PGBD4: variants seen among roughly 807,000 people sequenced by gnomAD.
The protein encoded by PGBD4 is piggyBac transposable element-derived protein 4.
Under a neutral mutation model 0.3 loss-of-function variants are expected in PGBD4, and 1 was observed. The observed-to-expected ratio is 3.72, with a 90% confidence interval of 1.32 to 17.64. The LOEUF (loss-of-function observed/expected upper bound fraction) is 17.64. Ranked by LOEUF, PGBD4 falls within the 30% of genes most tolerant of loss-of-function variation. The probability of loss-of-function intolerance (pLI) is 0.11; values close to 1 mark genes in which losing one functional copy is unlikely to be tolerated. For missense variants in PGBD4, 624 were observed against 719.7 expected (o/e 0.87, Z 1.52); for synonymous variants, 253 against 267.7 (o/e 0.95, Z 0.54).
At position 34,102,166 on chromosome 15, in the gene PGBD4, A is replaced by G; in HGVS notation, c.-366A>G. 1 of 464,128 alleles carries G rather than the reference A, an allele frequency of 2.2e-6. No homozygotes were observed. The highest frequency in any genetic ancestry group is 3.8e-6 in the Non-Finnish European group (1 of 263,866). The allele number at this position is 464,128 out of a possible 1,614,324, so 28.8% of individuals were successfully genotyped here. A position where few individuals can be genotyped will look rare whatever the true frequency, so the allele number is the denominator to read the frequency against. On this transcript the variant is annotated 5_prime_UTR_variant, in exon 1 of 1. An upstream open reading frame in the 5' UTR loses its in-frame stop. Coordinates refer to ENST00000397766, the MANE Select transcript of PGBD4 (RefSeq NM_152595.5). This position sits in a 1 kb window ranked among gnomAD's most constrained non-coding sequence, Gnocchi z 4.7. Reference sequence around the variant, plus strand: ...CGGAGGCCAAGGACCTCACGGGAGTAAAAGATGACGAGACTGGCTTCGGGA... The same window carrying G: ...CGGAGGCCAAGGACCTCACGGGAGTGAAAGATGACGAGACTGGCTTCGGGA...
Position 34,103,803 on chromosome 15 carries a change from T to C in PGBD4, c.1272T>C (p.Tyr424=), listed in dbSNP as rs1468004483. 6.2e-7 allele frequency: 1 copy of C among 1,614,200 alleles called. No individual in the cohort carries two copies. Among genetic ancestry groups the C allele is most frequent in the East Asian group, 2.2e-5 (1 of 44,890 alleles). The change falls in exon 1 of 1, where the codon TAT becomes TAC. Residue 424 remains tyrosine, a synonymous_variant. Transcript: ENST00000397766. The surrounding 1 kb of genome is among the most constrained non-coding windows in gnomAD (Gnocchi z 4.6). ...KTKRPRVIVD[Y]NENMGAVDSA... Reference sequence around the variant, plus strand: ...AAAGGCCACGTGTCATTGTGGATTATAACGAGAATATGGGAGCAGTGGACT... The same window carrying C: ...AAAGGCCACGTGTCATTGTGGATTACAACGAGAATATGGGAGCAGTGGACT...
In PGBD4 at chr15:34,103,719, G is replaced by A. The variant is rs748990621; in HGVS notation, c.1188G>A (p.Leu396=). The A allele has an allele frequency of 5.6e-6, 9 of 1,614,052 alleles. No individual in the cohort carries two copies. The South Asian group carries it at 9.9e-5, about 18-fold the overall frequency. Residue 396 remains leucine, a synonymous_variant, in exon 1 of 1, where the codon TTG becomes TTA. Coordinates refer to ENST00000397766, the MANE Select transcript of PGBD4 (RefSeq NM_152595.5). The surrounding 1 kb of genome is among the most constrained non-coding windows in gnomAD (Gnocchi z 4.6). The stretch of plus-strand genomic sequence containing the variant: ...GTGACGGCAAGGAGGTGACAATGTT[G>A]TCAACATTCCACAATGATACTGTGA... The part of the protein sequence containing the change: ...KWCDGKEVTM[L]STFHNDTVIE...
In PGBD4 at chr15:34,105,377, A is replaced by G. The variant is rs1403748607; in HGVS notation, c.*1088A>G. ...CTTGCCCAAGATCTTTGTTGGCCCTAAACATCGCTGTCTCTGCTACAGATT... is the reference window on the plus strand; with the variant it reads ...CTTGCCCAAGATCTTTGTTGGCCCTGAACATCGCTGTCTCTGCTACAGATT... On this transcript the variant is annotated 3_prime_UTR_variant, in exon 1 of 1. Transcript: ENST00000397766. The G allele has an allele frequency of 2.4e-5, 4 of 167,110 alleles. No individual in the cohort carries two copies. Among genetic ancestry groups the G allele is most frequent in the African/African-American group, 9.6e-5 (4 of 41,470 alleles). 10.4% of individuals were successfully genotyped at this position (167,110 alleles called of 1,614,324 possible).
At position 34,102,175 on chromosome 15, in the gene PGBD4, C is replaced by T; in HGVS notation, c.-357C>T. 2.2e-6 allele frequency: 1 copy of T among 452,618 alleles called. No individual in the cohort carries two copies. The highest frequency in any genetic ancestry group is 3.9e-6 in the Non-Finnish European group (1 of 256,940). 28.0% of individuals were successfully genotyped at this position (452,618 alleles called of 1,614,324 possible). A position where few individuals can be genotyped will look rare whatever the true frequency, so the allele number is the denominator to read the frequency against. ...AGGACCTCACGGGAGTAAAAGATGACGAGACTGGCTTCGGGAGAAACACCA... is the reference window on the plus strand; with the variant it reads ...AGGACCTCACGGGAGTAAAAGATGATGAGACTGGCTTCGGGAGAAACACCA... On this transcript the variant is annotated 5_prime_UTR_variant, in exon 1 of 1. The change creates a new upstream start codon in the 5' untranslated region. Coordinates refer to ENST00000397766, the MANE Select transcript of PGBD4 (RefSeq NM_152595.5). The surrounding 1 kb of genome is among the most constrained non-coding windows in gnomAD (Gnocchi z 4.7).
chr15:34,103,749 A>C lies in PGBD4; in HGVS notation c.1218A>C (p.Glu406Asp). 1 of 1,614,262 alleles carries C rather than the reference A, an allele frequency of 6.2e-7. No individual in the cohort carries two copies. Among genetic ancestry groups the C allele is most frequent in the Non-Finnish European group, 8.5e-7 (1 of 1,180,052 alleles). Residue 406 changes from glutamate (E) to aspartate (D), a missense_variant, in exon 1 of 1, where the codon GAA becomes GAC. Coordinates refer to ENST00000397766, the MANE Select transcript of PGBD4 (RefSeq NM_152595.5). This position sits in a 1 kb window ranked among gnomAD's most constrained non-coding sequence, Gnocchi z 4.6. ...CATTCCACAATGATACTGTGATTGA[A>C]GTAAACAATAGAAATGGAAAGAAAA... The part of the protein sequence containing the change: ...LSTFHNDTVI[E>D]VNNRNGKKTK...
Position 34,103,459 on chromosome 15 carries a change from T to A in PGBD4, c.928T>A (p.Ser310Thr). The change falls in exon 1 of 1, where the codon TCA becomes ACA. Residue 310 changes from serine (S) to threonine (T), a missense_variant. Coordinates refer to ENST00000397766, the MANE Select transcript of PGBD4 (RefSeq NM_152595.5). The surrounding 1 kb of genome is among the most constrained non-coding windows in gnomAD (Gnocchi z 4.6). ...NLKDSADGLK[S>T]SRIVLTLVND... The stretch of plus-strand genomic sequence containing the variant: ...GAAAGATTCAGCGGATGGCCTGAAA[T>A]CATCACGCATTGTTCTTACCTTGGT... 1 of 1,614,216 alleles carries A rather than the reference T, an allele frequency of 6.2e-7. No individual in the cohort carries two copies. The highest frequency in any genetic ancestry group is 8.5e-7 in the Non-Finnish European group (1 of 1,180,044).
rs569329137 is a variant in PGBD4 at position 34,108,147 on chromosome 15, G to C, written c.*3858G>C. ...CTGGCTAATTTTTGTACTTTTAGTAGAGACGGAGTTTCACCATGTTGGCCA... is the reference window on the plus strand; with the variant it reads ...CTGGCTAATTTTTGTACTTTTAGTACAGACGGAGTTTCACCATGTTGGCCA... On this transcript the variant is annotated 3_prime_UTR_variant, in exon 1 of 1. Transcript: ENST00000397766. The C allele has an allele frequency of 1.1e-4, 17 of 152,034 alleles. No individual in the cohort carries two copies. The highest frequency in any genetic ancestry group is 4.1e-4 in the African/African-American group (17 of 41,400). The allele number at this position is 152,034 out of a possible 1,614,324, so 9.4% of individuals were successfully genotyped here.
At position 34,104,439 on chromosome 15, in the gene PGBD4, C is replaced by G; in HGVS notation, c.*150C>G. 1 of 822,594 alleles carries G rather than the reference C, an allele frequency of 1.2e-6. No homozygotes were observed. Among genetic ancestry groups the G allele is most frequent in the Non-Finnish European group, 1.8e-6 (1 of 542,170 alleles). The allele number at this position is 822,594 out of a possible 1,614,324, so 51.0% of individuals were successfully genotyped here. ...CCAACATGGTGAAACCCTGTCTCTA[C>G]TAAAAATACAACAATTAGCTGGATG... On this transcript the variant is annotated 3_prime_UTR_variant, in exon 1 of 1. Transcript: ENST00000397766.
At position 34,103,305 on chromosome 15, in the gene PGBD4, G is replaced by A. The variant is rs766582033; in HGVS notation, c.774G>A (p.Gly258=). The change falls in exon 1 of 1, where the codon GGG becomes GGA. Residue 258 remains glycine (G), a synonymous_variant. Transcript: ENST00000397766. The surrounding 1 kb of genome is among the most constrained non-coding windows in gnomAD (Gnocchi z 4.6). ...ATGAATCACTGATGCTGTTCAAGGGGCCATTAGCTATGAAGCAGTACCTCC... is the reference window on the plus strand; with the variant it reads ...ATGAATCACTGATGCTGTTCAAGGGACCATTAGCTATGAAGCAGTACCTCC... ...AVDESLMLFK[G]PLAMKQYLPT... The A allele has an allele frequency of 3.1e-6, 5 of 1,614,166 alleles. No homozygotes were observed. The Admixed American group carries it at 6.7e-5, about 22-fold the overall frequency.
chr15:34,104,163 C>T lies in PGBD4; in HGVS notation c.1632C>T (p.Cys544=), dbSNP rs1337453355. 9.3e-6 allele frequency: 15 copies of T among 1,614,104 alleles called. No homozygotes were observed. Among genetic ancestry groups the T allele is most frequent in the African/African-American group, 1.3e-5 (1 of 74,942 alleles). The change falls in exon 1 of 1, where the codon TGC becomes TGT. Residue 544 remains cysteine (C), a synonymous_variant. Coordinates refer to ENST00000397766, the MANE Select transcript of PGBD4 (RefSeq NM_152595.5). ...ATCCAACTGGTCGCTGCAAAATTTG[C>T]TGCTCCCAATACGACAAGGATGGCA... is the stretch of plus-strand genomic sequence containing the variant. ...KQNPTGRCKI[C]CSQYDKDGKK...
Position 34,102,839 on chromosome 15 carries a change from A to T in PGBD4, c.308A>T (p.Asp103Val). Reference protein sequence around the residue: ...GRKVDVSDITDPLQYFELFFT... With the variant: ...GRKVDVSDITVPLQYFELFFT... ...AAAGTCGATGTCAGTGATATCACTGACCCATTGCAGTATTTTGAACTGTTC... is the reference window on the plus strand; with the variant it reads ...AAAGTCGATGTCAGTGATATCACTGTCCCATTGCAGTATTTTGAACTGTTC... Residue 103 changes from aspartate to valine, a missense_variant, in exon 1 of 1, where the codon GAC (aspartate) becomes GTC (valine). Transcript: ENST00000397766. The surrounding 1 kb of genome is among the most constrained non-coding windows in gnomAD (Gnocchi z 4.7). 6.2e-7 allele frequency: 1 copy of T among 1,613,920 alleles called. No homozygotes were observed. The highest frequency in any genetic ancestry group is 1.1e-5 in the South Asian group (1 of 91,068).
Position 34,103,476 on chromosome 15 carries a change from T to C in PGBD4, c.945T>C (p.Leu315=). Residue 315 remains leucine (L), a synonymous_variant, in exon 1 of 1, where the codon CTT becomes CTC. Coordinates refer to ENST00000397766, the MANE Select transcript of PGBD4 (RefSeq NM_152595.5). The surrounding 1 kb of genome is among the most constrained non-coding windows in gnomAD (Gnocchi z 4.6). ...GCCTGAAATCATCACGCATTGTTCTTACCTTGGTCAATGACCTTCTTGGCC... is the reference window on the plus strand; with the variant it reads ...GCCTGAAATCATCACGCATTGTTCTCACCTTGGTCAATGACCTTCTTGGCC... ...ADGLKSSRIV[L]TLVNDLLGQG... 6.2e-7 allele frequency: 1 copy of C among 1,614,256 alleles called. No individual in the cohort carries two copies. The highest frequency in any genetic ancestry group is 8.5e-7 in the Non-Finnish European group (1 of 1,180,046).
In PGBD4 at chr15:34,103,340, G is replaced by A. The variant is rs1385297700; in HGVS notation, c.809G>A (p.Arg270Gln). The A allele has an allele frequency of 3.1e-6, 5 of 1,614,054 alleles. No individual in the cohort carries two copies. The highest frequency in any genetic ancestry group is 2.7e-5 in the African/African-American group (2 of 74,904). ...ATGAAGCAGTACCTCCCGACAAAAC[G>A]AGTACGATTTGGTCTGAAGCTATAT... is the stretch of plus-strand genomic sequence containing the variant. ...LAMKQYLPTK[R>Q]VRFGLKLYVL... is the part of the protein sequence containing the mutation. The change falls in exon 1 of 1, where the codon CGA becomes CAA. Residue 270 changes from arginine to glutamine, a missense_variant. Physicochemically the swap from Arg to Gln is conservative, Grantham distance 43. Transcript: ENST00000397766. This position sits in a 1 kb window ranked among gnomAD's most constrained non-coding sequence, Gnocchi z 4.6.
rs1301217099 is a variant in PGBD4, at chr15:34,108,430, T to G, written c.*4141T>G. ...ATCCTGATTTTGAAATACAAAGTGC[T>G]GATTTTAAAATCAGTACATGTTGAG... On this transcript the variant is annotated 3_prime_UTR_variant, in exon 1 of 1. Coordinates refer to ENST00000397766, the MANE Select transcript of PGBD4 (RefSeq NM_152595.5). 2 of 152,246 alleles carry G rather than the reference T, an allele frequency of 1.3e-5. No individual in the cohort carries two copies. Among genetic ancestry groups the G allele is most frequent in the African/African-American group, 4.8e-5 (2 of 41,460 alleles). 9.4% of individuals were successfully genotyped at this position (152,246 alleles called of 1,614,324 possible).
chr15:34,102,103 A>G lies in PGBD4; in HGVS notation c.-429A>G. 1 of 527,658 alleles carries G rather than the reference A, an allele frequency of 1.9e-6. No homozygotes were observed. Among genetic ancestry groups the G allele is most frequent in the African/African-American group, 1.9e-5 (1 of 51,640 alleles). 32.7% of individuals were successfully genotyped at this position (527,658 alleles called of 1,614,324 possible). A position where few individuals can be genotyped will look rare whatever the true frequency, so the allele number is the denominator to read the frequency against. On this transcript the variant is annotated 5_prime_UTR_variant, in exon 1 of 1. It removes an upstream start codon present in the reference 5' UTR. Transcript: ENST00000397766. This position sits in a 1 kb window ranked among gnomAD's most constrained non-coding sequence, Gnocchi z 4.7. ...CAAGTGCCTATGAAGGGGACTGCCC[A>G]TGAAGTGAAAGTCAAGTGTGTGTTG...
In PGBD4 at chr15:34,105,883, T is replaced by C. The variant is rs1887758308; in HGVS notation, c.*1594T>C. On this transcript the variant is annotated 3_prime_UTR_variant, in exon 1 of 1. Coordinates refer to ENST00000397766, the MANE Select transcript of PGBD4 (RefSeq NM_152595.5). ...GAGAAAGGAAAGATCAGTGCTGATT[T>C]TAATCAGACTGTAATGTACCAACTA... The C allele has an allele frequency of 1.8e-5, 3 of 167,092 alleles. No individual in the cohort carries two copies. The South Asian group carries it at 6.2e-4, about 35-fold the overall frequency. 10.4% of individuals were successfully genotyped at this position (167,092 alleles called of 1,614,324 possible). A position where few individuals can be genotyped will look rare whatever the true frequency, so the allele number is the denominator to read the frequency against.
In PGBD4 at chr15:34,104,382, C is replaced by A. The variant is rs1432557546; in HGVS notation, c.*93C>A. The A allele has an allele frequency of 1.5e-6, 2 of 1,357,228 alleles. 1 individual carries two copies. The allele number at this position is 1,357,228 out of a possible 1,614,324, so 84.1% of individuals were successfully genotyped here. A position where few individuals can be genotyped will look rare whatever the true frequency, so the allele number is the denominator to read the frequency against. Reference sequence around the variant, plus strand: ...GATTGGGAGGCCGACCTGGGTGGATCACCTGAGATCAGGAATTCAAGACCA... The same window carrying A: ...GATTGGGAGGCCGACCTGGGTGGATAACCTGAGATCAGGAATTCAAGACCA... On this transcript the variant is annotated 3_prime_UTR_variant, in exon 1 of 1. Coordinates refer to ENST00000397766, the MANE Select transcript of PGBD4 (RefSeq NM_152595.5).
Position 34,107,568 on chromosome 15 carries a change from G to A in PGBD4, c.*3279G>A, listed in dbSNP as rs1490098951. On this transcript the variant is annotated 3_prime_UTR_variant, in exon 1 of 1. Coordinates refer to ENST00000397766, the MANE Select transcript of PGBD4 (RefSeq NM_152595.5). ...TTTCACTCTCACCAGCAATGTGTAA[G>A]ATAACTTGCTTCTTCATACCCTCAC... The A allele has an allele frequency of 6.6e-6, 1 of 152,212 alleles. No homozygotes were observed. Among genetic ancestry groups the A allele is most frequent in the Non-Finnish European group, 1.5e-5 (1 of 68,038 alleles). The allele number at this position is 152,212 out of a possible 1,614,324, so 9.4% of individuals were successfully genotyped here.
chr15:34,102,769 A>G lies in PGBD4; in HGVS notation c.238A>G (p.Met80Val). 1.2e-6 allele frequency: 2 copies of G among 1,614,200 alleles called. No homozygotes were observed. The highest frequency in any genetic ancestry group is 1.7e-6 in the Non-Finnish European group (2 of 1,180,034). The part of the protein sequence containing the change: ...GRSMKWSARA[M>V]IPRQRYDFTG... ...CTCCATGAAATGGTCAGCTCGTGCT[A>G]TGATTCCACGTCAAAGGTATGACTT... The change falls in exon 1 of 1, where the codon ATG (methionine) becomes GTG (valine). Residue 80 changes from methionine to valine, a missense_variant. Coordinates refer to ENST00000397766, the MANE Select transcript of PGBD4 (RefSeq NM_152595.5). The surrounding 1 kb of genome is among the most constrained non-coding windows in gnomAD (Gnocchi z 4.7).
Sources: gnomAD v4.1 joint callset for allele counts on GRCh38, gnomAD v4.1.1 for gene constraint, Gnocchi (gnomAD v3.1) non-coding constraint, MANE v1.5 for transcripts, NCBI Gene and HGNC (gene_info 2026-07-23, HGNC 2026-07-21) for gene names.